The following PTPN14 variants were observed in gnomAD, a reference collection of about 807,000 sequenced individuals.
PTPN14 encodes tyrosine-protein phosphatase non-receptor type 14.
A neutral mutation model predicts 126.8 loss-of-function variants in PTPN14; 53 were observed. The ratio of observed to expected loss-of-function variants is 0.42; its 90% CI spans 0.34 to 0.53. PTPN14 has a LOEUF of 0.53. Among genes scored for constraint, PTPN14 ranks in the 20% least tolerant of loss-of-function variants. The probability of loss-of-function intolerance (pLI) is 0.08; values close to 1 mark genes in which losing one functional copy is unlikely to be tolerated. For synonymous variants in PTPN14, 630 were observed against 599.3 expected (o/e 1.05, Z -0.75); for missense variants, 1,257 against 1,552.9 (o/e 0.81, Z 3.20).
intron 5 of PTPN14, among the ~76,000 whole-genome samples, chr1:214,409,604 A>G (rs771429992): frequency 6.6e-5 from 10 of 152,192 alleles, no homozygotes; most frequent in Non-Finnish European, 1.2e-4. Context: ...GCTGGATTAT[A>G]TGGTAGTTCT....
chr1:214,373,133 CA>C (rs1658258514), intron 15 of PTPN14, among the ~76,000 whole-genome samples: 1 of 152,166 alleles, frequency 6.6e-6, no homozygotes, highest in South Asian at 2.1e-4. Context: ...TGGCTCACTG[CA>C]ACCTCCGCCT....
At chr1:214,511,229 CCT>C (rs1190196798) in intron 1 of PTPN14, among the ~76,000 whole-genome samples, 1 of 152,002 alleles carries the variant, frequency 6.6e-6, no homozygotes, top group African/African-American at 2.4e-5. Context: ...TAACCTTTTG[CCT>C]CTCTGTGCAA....
chr1:214,381,297 G>A (rs1240198104), intron 13 of PTPN14, among the ~76,000 whole-genome samples: 1 of 152,190 alleles, frequency 6.6e-6, no homozygotes, highest in African/African-American at 2.4e-5. Flanking sequence ...TAAATTAAAT[G>A]CTTAGACTGA....
Position 214,355,686 on chromosome 1 carries a change from C to T in PTPN14, c.*2236G>A, listed in dbSNP as rs1389987554. On this transcript the variant is annotated 3_prime_UTR_variant, in exon 19 of 19. Coordinates refer to ENST00000366956, the MANE Select transcript of PTPN14 (RefSeq NM_005401.5). ...TATTCCGAGTCTAACTAGAGTACAG[C>T]CACCACAACACCTGGCCAGGTTGAA... 6.6e-6 allele frequency: 1 copy of T among 152,156 alleles called. No homozygotes were observed. The highest frequency in any genetic ancestry group is 1.5e-5 in the Non-Finnish European group (1 of 68,050). 9.4% of individuals were successfully genotyped at this position (152,156 alleles called of 1,614,324 possible).
At chr1:214,448,666 C>G (rs1315491984) in intron 3 of PTPN14, among the ~76,000 whole-genome samples, 9 of 152,194 alleles carry the variant, frequency 5.9e-5, no homozygotes, top group Non-Finnish European at 1.0e-4. Context: ...AACTATGATA[C>G]AGCAGGCCCT....
intron 1 of PTPN14, among the ~76,000 whole-genome samples, chr1:214,503,974 A>G (rs1654769205): frequency 6.6e-6 from 1 of 152,202 alleles, no homozygotes; most frequent in South Asian, 2.1e-4. Flanking sequence ...GTGATGGAGA[A>G]GTGTGAGAAA....
At chr1:214,434,351 A>G (rs1289517876) in intron 3 of PTPN14, among the ~76,000 whole-genome samples, 1 of 152,138 alleles carries the variant, frequency 6.6e-6, no homozygotes. Context: ...CGTTGTCTAA[A>G]AGTGAGAAAA....
chr1:214,445,551 TAAA>T (rs5780780), intron 3 of PTPN14, among the ~76,000 whole-genome samples: 1 of 145,614 alleles, frequency 6.9e-6, no homozygotes. Flanking sequence ...ATGTTTTGGT[TAAA>T]AAAAAAAAAA....
At chr1:214,452,794 CAACA>C (rs1660300233) in intron 2 of PTPN14, among the ~76,000 whole-genome samples, 1 of 152,188 alleles carries the variant, frequency 6.6e-6, no homozygotes, top group Non-Finnish European at 1.5e-5. Flanking sequence ...AGGATTAGCA[CAACA>C]ATCACCAAAA....
At position 214,495,323 on chromosome 1, in the gene PTPN14, C is replaced by A. The variant is rs1381282410; in HGVS notation, c.-154-30366G>T. Reference sequence around the variant, plus strand: ...AATGTATATAAAGCACTATCAGAGTCCCTGGCCCAGATAACAATGCCTAAT... The same window carrying A: ...AATGTATATAAAGCACTATCAGAGTACCTGGCCCAGATAACAATGCCTAAT... On this transcript the variant is annotated intron_variant, in intron 1 of 18. Transcript: ENST00000366956. Among the ~76,000 whole-genome samples, 4 of 152,120 alleles carry A rather than the reference C, an allele frequency of 2.6e-5. No individual in the cohort carries two copies. In the East Asian group the frequency reaches 7.7e-4, roughly 29 times the overall value.
chr1:214,522,006 G>A (rs185687890), intron 1 of PTPN14, among the ~76,000 whole-genome samples: 3,551 of 142,790 alleles, frequency 0.025, 143 homozygotes, highest in African/African-American at 0.088. Flanking sequence ...GCACGATCTC[G>A]GCTCACTGCA....
chr1:214,490,749 A>C (rs1661211248), intron 1 of PTPN14, among the ~76,000 whole-genome samples: 1 of 149,778 alleles, frequency 6.7e-6, no homozygotes, highest in Admixed American at 6.7e-5. Context: ...CAGCAGAAGA[A>C]TCACTTGAAC....
intron 16 of PTPN14, among the ~76,000 whole-genome samples, chr1:214,370,706 G>A (rs1023465999): frequency 1.3e-5 from 2 of 152,088 alleles, no homozygotes; most frequent in Admixed American, 6.5e-5. Flanking sequence ...TTTACACAAG[G>A]TCTATGTTTC....
At chr1:214,391,723 C>A (rs61821383) in intron 10 of PTPN14, among the ~76,000 whole-genome samples, 6 of 147,470 alleles carry the variant, frequency 4.1e-5, no homozygotes, top group Non-Finnish European at 7.5e-5. Context: ...AAAAAAAACC[C>A]AGGACATGTA....
At chr1:214,440,104 C>G (rs1484411722) in intron 3 of PTPN14, among the ~76,000 whole-genome samples, 7 of 152,300 alleles carry the variant, frequency 4.6e-5, no homozygotes, top group African/African-American at 1.4e-4. Context: ...TCTCCCATGT[C>G]AGCATGCTTG....
At position 214,491,050 on chromosome 1, in the gene PTPN14, A is replaced by G. The variant is rs572900424; in HGVS notation, c.-154-26093T>C. Among the ~76,000 whole-genome samples, 392 of 151,058 alleles carry G rather than the reference A, an allele frequency of 2.6e-3. 4 individuals are homozygous for G. The highest frequency in any genetic ancestry group is 9.0e-3 in the African/African-American group (366 of 40,832). Reference sequence around the variant, plus strand: ...GGAAGGAAGGAAGAAAGAAAGAAAGAAAGAAAAACAAAGAAAGAAAGAAAG... The same window carrying G: ...GGAAGGAAGGAAGAAAGAAAGAAAGGAAGAAAAACAAAGAAAGAAAGAAAG... On this transcript the variant is annotated intron_variant, in intron 1 of 18. Coordinates refer to ENST00000366956, the MANE Select transcript of PTPN14 (RefSeq NM_005401.5).
At chr1:214,455,964 T>C (rs1171207689) in intron 2 of PTPN14, among the ~76,000 whole-genome samples, 1 of 152,210 alleles carries the variant, frequency 6.6e-6, no homozygotes, top group Non-Finnish European at 1.5e-5. Flanking sequence ...AAAACTGCTC[T>C]AAAGAAATAA....
chr1:214,447,571 A>C (rs565688333), intron 3 of PTPN14, among the ~76,000 whole-genome samples: 2 of 150,982 alleles, frequency 1.3e-5, no homozygotes, highest in South Asian at 4.3e-4. Flanking sequence ...TTGATTTCTT[A>C]CATTTTTTTT....
intron 12 of PTPN14, among the ~76,000 whole-genome samples, chr1:214,385,221 C>T (rs1423099668): frequency 6.6e-6 from 1 of 152,166 alleles, no homozygotes; most frequent in Non-Finnish European, 1.5e-5. Flanking sequence ...GTGCTCAGAG[C>T]TGCTCTTCCT....
Sources: allele counts gnomAD v4.1 joint callset (sites outside exome capture counted in the v4.1 genomes callset), GRCh38; gene constraint gnomAD v4.1.1; transcripts MANE v1.5; gene names NCBI Gene and HGNC (gene_info 2026-07-23, HGNC 2026-07-21).